ZRANB1: variants seen among roughly 807,000 people sequenced by gnomAD.
The protein encoded by ZRANB1 is zinc finger RANBP2-type containing 1.
Under a neutral mutation model 80.5 loss-of-function variants are expected in ZRANB1, and 16 were observed. The observed-to-expected ratio is 0.20, with a 90% confidence interval of 0.13 to 0.30. ZRANB1 has a LOEUF of 0.30. Ranked by LOEUF, ZRANB1 falls within the 10% of genes least tolerant of loss-of-function variation. The pLI is 1.00. For missense variants in ZRANB1, 576 were observed against 862.6 expected (o/e 0.67, Z 4.16); for synonymous variants, 291 against 293.1 (o/e 0.99, Z 0.07).
the ZRANB1 span, among the ~76,000 whole-genome samples, chr10:124,929,756 G>A: frequency 6.6e-6 from 1 of 151,696 alleles, no homozygotes; most frequent in Non-Finnish European, 1.5e-5. Flanking sequence ...GACCAGCCTG[G>A]CCAACATAGT....
chr10:124,919,403 C>T, the ZRANB1 span, among the ~76,000 whole-genome samples: 1 of 151,808 alleles, frequency 6.6e-6, no homozygotes, highest in African/African-American at 2.4e-5. Context: ...GAAAATTTGC[C>T]GGGTATGGTG....
intron 2 of ZRANB1, among the ~76,000 whole-genome samples, chr10:124,971,134 G>A (rs1389525827): frequency 6.6e-6 from 1 of 152,066 alleles, no homozygotes; most frequent in Non-Finnish European, 1.5e-5. Context: ...CTTGAATTCT[G>A]TTTGTTACTC....
chr10:124,942,130 C>T lies in ZRANB1; in HGVS notation c.-364C>T. The T allele has an allele frequency of 4.8e-6, 5 of 1,051,736 alleles. No individual in the cohort carries two copies. The highest frequency in any genetic ancestry group is 5.7e-6 in the Non-Finnish European group (5 of 871,306). The allele number at this position is 1,051,736 out of a possible 1,614,324, so 65.2% of individuals were successfully genotyped here. On this transcript the variant is annotated 5_prime_UTR_variant, in exon 1 of 9. Transcript: ENST00000359653. ...TTACTTTTCTAAATTGATGTGATGG[C>T]CTCCCTGAAATTAAACATTTCTATT...
At chr10:124,938,584 C>G (rs1420933205), upstream of ZRANB1, among the ~76,000 whole-genome samples, 3 of 152,088 alleles carry the variant, frequency 2.0e-5, no homozygotes, top group African/African-American at 7.2e-5. Flanking sequence ...ACCTAGGCCT[C>G]CTGTGCTGGG....
chr10:124,966,877 T>C, intron 2 of ZRANB1, 96 bp downstream of exon 2: 23 of 1,204,884 alleles, frequency 1.9e-5, no homozygotes, highest in Non-Finnish European at 2.7e-5. Flanking sequence ...TAAGCAGCTT[T>C]AAAATGTTTT....
At chr10:124,977,701 A>G (rs904314160) in intron 5 of ZRANB1, among the ~76,000 whole-genome samples, 1 of 132,578 alleles carries the variant, frequency 7.5e-6, no homozygotes, top group African/African-American at 2.9e-5. Flanking sequence ...ACAGAGTGAG[A>G]CCCTGCTAAG....
intron 1 of ZRANB1, among the ~76,000 whole-genome samples, chr10:124,963,312 A>G (rs1951749343): frequency 6.6e-6 from 1 of 150,416 alleles, no homozygotes; most frequent in African/African-American, 2.4e-5. Flanking sequence ...TCTTGGAGGC[A>G]TTGTGAGATG....
chr10:124,928,291 C>T, the ZRANB1 span, among the ~76,000 whole-genome samples: 15 of 152,108 alleles, frequency 9.9e-5, no homozygotes, highest in African/African-American at 1.9e-4. Context: ...CCGAAGCATG[C>T]GGATGAGGTT....
intron 1 of ZRANB1, among the ~76,000 whole-genome samples, chr10:124,954,366 AAC>A (rs1319661779): frequency 6.6e-6 from 1 of 151,090 alleles, no homozygotes; most frequent in Non-Finnish European, 1.5e-5. Context: ...AATAGTTTTG[AAC>A]ATTTAAAACC....
the ZRANB1 span, among the ~76,000 whole-genome samples, chr10:124,932,825 A>G: frequency 5.1e-4 from 78 of 152,160 alleles, no homozygotes; most frequent in African/African-American, 1.7e-3. Flanking sequence ...GGCCTCCCAA[A>G]GTGCTGGGAT....
the ZRANB1 span, among the ~76,000 whole-genome samples, chr10:124,932,628 T>C: frequency 0.037 from 5,659 of 152,216 alleles, 329 homozygotes; most frequent in African/African-American, 0.13. Flanking sequence ...ACATTCTTGA[T>C]AGCATTTGTT....
chr10:124,986,986 A>C lies in ZRANB1; in HGVS notation c.*1994A>C, dbSNP rs1412851509. On this transcript the variant is annotated 3_prime_UTR_variant, in exon 9 of 9. Coordinates refer to ENST00000359653, the MANE Select transcript of ZRANB1 (RefSeq NM_017580.3). ...CTCTATTATTTATTTATTTATTATC[A>C]ATCAGTGACCCTGACCACATAGTGT... 2 of 150,308 alleles carry C rather than the reference A, an allele frequency of 1.3e-5. No homozygotes were observed. Among genetic ancestry groups the C allele is most frequent in the African/African-American group, 5.1e-5 (2 of 39,368 alleles). The allele number at this position is 150,308 out of a possible 1,614,324, so 9.3% of individuals were successfully genotyped here.
intron 2 of ZRANB1, among the ~76,000 whole-genome samples, chr10:124,971,387 T>A (rs1014114292): frequency 5.3e-5 from 8 of 151,978 alleles, no homozygotes; most frequent in Non-Finnish European, 8.8e-5. Flanking sequence ...GCTTCAGAGG[T>A]TGGCAGTCTG....
intron 5 of ZRANB1, among the ~76,000 whole-genome samples, chr10:124,979,355 G>A (rs760447837): frequency 1.6e-4 from 25 of 152,224 alleles, no homozygotes; most frequent in East Asian, 3.9e-4. Flanking sequence ...ATCTTTCCAC[G>A]TCTTTTGCTC....
At chr10:124,930,182 C>A in the ZRANB1 span, among the ~76,000 whole-genome samples, 146,652 of 152,182 alleles carry the variant, frequency 0.96, 70,760 homozygotes, top group Non-Finnish European at 0.99. Flanking sequence ...GGTTCTAAGG[C>A]TTTGGCTAGT....
intron 1 of ZRANB1, among the ~76,000 whole-genome samples, chr10:124,956,320 G>A (rs960782171): frequency 2.0e-5 from 3 of 152,114 alleles, no homozygotes; most frequent in African/African-American, 7.2e-5. Flanking sequence ...TTAAAAAGTT[G>A]CGTTAAACTA....
intron 1 of ZRANB1, among the ~76,000 whole-genome samples, chr10:124,944,818 C>T (rs569002779): frequency 6.6e-6 from 1 of 152,174 alleles, no homozygotes; most frequent in African/African-American, 2.4e-5. Context: ...TCAATTTTAG[C>T]TTTGTTCTGG....
chr10:124,942,420 G>A lies in ZRANB1; in HGVS notation c.-74G>A. On this transcript the variant is annotated 5_prime_UTR_variant, in exon 1 of 9. The change abolishes an upstream ATG in the 5' untranslated region. Transcript: ENST00000359653. ...GGCAGCGTATTTTTGGAGGTGGAAT[G>A]TAGTTATTTTAATAACCATGTCCTA... 1 of 1,582,042 alleles carries A rather than the reference G, an allele frequency of 6.3e-7. No homozygotes were observed.
At chr10:124,944,553 A>G (rs1363490995) in intron 1 of ZRANB1, among the ~76,000 whole-genome samples, 1 of 126,688 alleles carries the variant, frequency 7.9e-6, no homozygotes, top group Admixed American at 1.0e-4. Flanking sequence ...TGATGCAATC[A>G]TGGCTCACTG....
Sources: allele counts gnomAD v4.1 joint callset (sites outside exome capture counted in the v4.1 genomes callset), GRCh38; gene constraint gnomAD v4.1.1; transcripts MANE v1.5; gene names NCBI Gene and HGNC (gene_info 2026-07-23, HGNC 2026-07-21).